The following COP1 variants were observed in gnomAD, a reference collection of about 807,000 sequenced individuals.
The protein encoded by COP1 is COP1 E3 ubiquitin ligase.
COP1 carries 24 observed loss-of-function variants against 101.3 expected under a neutral mutation model. The ratio of observed to expected loss-of-function variants is 0.24; its 90% CI spans 0.17 to 0.33. COP1 has a LOEUF of 0.33. Ranked by LOEUF, COP1 falls within the 10% of genes least tolerant of loss-of-function variation. The pLI, the probability that COP1 is intolerant of heterozygous loss-of-function variation, is 1.00. For synonymous variants in COP1, 347 were observed against 341.9 expected, an observed-to-expected ratio of 1.01 and a Z score of -0.17; for missense variants, 663 against 906.2, an observed-to-expected ratio of 0.73 and a Z score of 3.45.
intron 5 of COP1, among the ~76,000 whole-genome samples, chr1:176,157,198 AAAT>A (rs1450938186): frequency 3.9e-5 from 6 of 152,122 alleles, no homozygotes; most frequent in Non-Finnish European, 7.4e-5. Context: ...CATCTCAAAA[AAAT>A]AATAACAACA....
chr1:176,204,931 T>C (rs897732387), intron 1 of COP1, among the ~76,000 whole-genome samples: 3 of 152,044 alleles, frequency 2.0e-5, no homozygotes, highest in African/African-American at 7.2e-5. Context: ...CCGTCTCAAA[T>C]ACAAATTTTT....
At chr1:175,991,252 T>C (rs1658358964) in intron 15 of COP1, among the ~76,000 whole-genome samples, 1 of 152,194 alleles carries the variant, frequency 6.6e-6, no homozygotes, top group Non-Finnish European at 1.5e-5. Flanking sequence ...TTATGTGGAA[T>C]AGCCTATTGT....
chr1:176,083,648 A>C (rs903888634), intron 10 of COP1, among the ~76,000 whole-genome samples: 1 of 152,128 alleles, frequency 6.6e-6, no homozygotes, highest in Non-Finnish European at 1.5e-5. Flanking sequence ...TACAGTTAAA[A>C]CTCCAAAGTA....
At position 176,102,114 on chromosome 1, in the gene COP1, T is replaced by C. The variant is rs1247010522; in HGVS notation, c.1026+14510A>G. Among the ~76,000 whole-genome samples, 3 of 151,984 alleles carry C rather than the reference T, an allele frequency of 2.0e-5. No homozygotes were observed. In the East Asian group the frequency reaches 5.8e-4, roughly 29 times the overall value. The stretch of plus-strand genomic sequence containing the variant: ...AATACCCATCTGCACACTGAGAGGA[T>C]GGGGTGGGGCCTCAGGAAGTTTGTG... On this transcript the variant is annotated intron_variant, in intron 9 of 19. Coordinates refer to ENST00000367669, the MANE Select transcript of COP1 (RefSeq NM_022457.7).
chr1:176,192,331 C>T (rs1558292813), intron 1 of COP1, among the ~76,000 whole-genome samples: 1 of 152,076 alleles, frequency 6.6e-6, no homozygotes, highest in Non-Finnish European at 1.5e-5. Flanking sequence ...ACAGGTGAAA[C>T]AATTAGGAGA....
At chr1:176,171,112 G>A (rs376188549) in intron 3 of COP1, among the ~76,000 whole-genome samples, 8 of 119,104 alleles carry the variant, frequency 6.7e-5, no homozygotes, top group South Asian at 2.8e-4. Context: ...GCAACAGAGC[G>A]AGACTCCATC....
intron 7 of COP1, 47 bp downstream of exon 7, chr1:176,136,441 T>G: frequency 2.6e-5 from 35 of 1,331,560 alleles, no homozygotes; most frequent in Non-Finnish European, 3.5e-5. Context: ...GACAATTTCA[T>G]GAAATTGAAA....
At chr1:176,162,679 A>T (rs899552267) in intron 5 of COP1, among the ~76,000 whole-genome samples, 190 bp downstream of exon 5, 8 of 152,238 alleles carry the variant, frequency 5.3e-5, no homozygotes, top group Non-Finnish European at 8.8e-5. Context: ...ATAAGTTATA[A>T]TGTATTGAAA....
intron 3 of COP1, among the ~76,000 whole-genome samples, chr1:176,166,752 A>G (rs964943057): frequency 2.0e-5 from 3 of 152,108 alleles, no homozygotes; most frequent in Admixed American, 1.3e-4. Flanking sequence ...CTTGGGTAAC[A>G]TAGCAAAACC....
chr1:175,998,631 T>C (rs1451236649), intron 15 of COP1, among the ~76,000 whole-genome samples: 1 of 152,094 alleles, frequency 6.6e-6, no homozygotes, highest in Admixed American at 6.6e-5. Flanking sequence ...ATCTTTCATC[T>C]AGTACCAGGG....
chr1:176,137,635 G>A (rs753541710), intron 6 of COP1, among the ~76,000 whole-genome samples: 3 of 152,108 alleles, frequency 2.0e-5, no homozygotes, highest in Non-Finnish European at 4.4e-5. Context: ...GGCAGAACTG[G>A]AATTCAAATT....
intron 3 of COP1, among the ~76,000 whole-genome samples, chr1:176,174,928 T>C (rs1696697662): frequency 6.6e-6 from 1 of 152,202 alleles, no homozygotes; most frequent in Non-Finnish European, 1.5e-5. Context: ...GTAGTTAACA[T>C]GCAGAATTTT....
intron 11 of COP1, among the ~76,000 whole-genome samples, chr1:176,076,004 A>AC (rs1677923254): frequency 1.1e-3 from 1 of 912 alleles, no homozygotes; most frequent in Non-Finnish European, 3.3e-3. Context: ...ACTCCATCTC[A>AC]AAAAAAAAAA....
intron 18 of COP1, among the ~76,000 whole-genome samples, chr1:175,980,825 C>T (rs544507238): frequency 1.4e-4 from 22 of 152,196 alleles, no homozygotes; most frequent in South Asian, 4.1e-4. Context: ...ACGTATGTTA[C>T]GGTTCAGAGC....
intron 11 of COP1, among the ~76,000 whole-genome samples, chr1:176,059,705 A>T (rs552420216): frequency 6.6e-6 from 1 of 151,690 alleles, no homozygotes; most frequent in East Asian, 1.9e-4. Flanking sequence ...CCGGTCTCGA[A>T]CTCCTGACCT....
intron 2 of COP1, among the ~76,000 whole-genome samples, chr1:176,180,403 G>C (rs1697583293): frequency 6.6e-6 from 1 of 152,066 alleles, no homozygotes; most frequent in South Asian, 2.1e-4. Context: ...TGCATACAAA[G>C]CTTTGGATAC....
At chr1:176,003,226 G>A (rs527786396) in intron 15 of COP1, among the ~76,000 whole-genome samples, 1 of 152,248 alleles carries the variant, frequency 6.6e-6, no homozygotes, top group South Asian at 2.1e-4. Context: ...ATTTGTTTGA[G>A]TTCATTCTAG....
intron 15 of COP1, among the ~76,000 whole-genome samples, chr1:176,019,003 T>G (rs1225974447): frequency 1.3e-5 from 2 of 148,822 alleles, no homozygotes; most frequent in African/African-American, 5.0e-5. Flanking sequence ...CTGTCCCTAC[T>G]ACAAATAAAA....
chr1:176,098,784 A>T (rs551051222), intron 9 of COP1, among the ~76,000 whole-genome samples: 8 of 152,300 alleles, frequency 5.3e-5, no homozygotes, highest in Non-Finnish European at 4.4e-5. Context: ...AGTGTTTTAA[A>T]CCTCTAACAT....
Sources: gnomAD v4.1 joint callset for allele counts (sites outside exome capture counted in the v4.1 genomes callset) on GRCh38, gnomAD v4.1.1 for gene constraint, MANE v1.5 for transcripts, NCBI Gene and HGNC (gene_info 2026-07-23, HGNC 2026-07-21) for gene names.